Variants in EPS15L1 observed in about 807,000 individuals in gnomAD.
EPS15L1 encodes epidermal growth factor receptor pathway substrate 15 like 1, also known as epidermal growth factor receptor substrate 15-like 1.
Under a neutral mutation model 117.1 loss-of-function variants are expected in EPS15L1, and 43 were observed. The ratio of observed to expected loss-of-function variants is 0.37; its 90% CI spans 0.29 to 0.47. The LOEUF is 0.47. Ranked by LOEUF, EPS15L1 falls within the 20% of genes least tolerant of loss-of-function variation. EPS15L1 has a pLI of 0.99. For missense variants in EPS15L1, 981 were observed against 1,164.0 expected (o/e 0.84, Z 2.29); for synonymous variants, 459 against 470.5 (o/e 0.98, Z 0.32).
intron 19 of EPS15L1, among the ~76,000 whole-genome samples, chr19:16,386,951 G>C (rs2092426184): frequency 6.6e-6 from 1 of 152,318 alleles, no homozygotes; most frequent in South Asian, 2.1e-4. Context: ...CCATGTATCA[G>C]ATACATTTCT....
Position 16,402,397 on chromosome 19 carries a change from T to C in EPS15L1, c.1715A>G (p.His572Arg), listed in dbSNP as rs766247419. The stretch of plus-strand genomic sequence containing the variant: ...GGCCAGGTCGGTCAGGCTGGCACCA[T>C]GGGCTCCATCGAGCACCTGGTCATA... Reference protein sequence around the residue: ...EQYDQVLDGAHGASLTDLANL... With the variant: ...EQYDQVLDGARGASLTDLANL... The change falls in exon 16 of 24, where the codon CAT becomes CGT. Residue 572 changes from histidine (H) to arginine (R), a missense_variant. His to Arg is a conservative substitution (Grantham distance 29). Around this residue, in one of 5 missense-constraint regions of EPS15L1, gnomAD observed 819 missense variants for 949.0 expected, o/e 0.86. Coordinates refer to ENST00000455140, the MANE Select transcript of EPS15L1 (RefSeq NM_001258374.3). 14 of 1,614,038 alleles carry C rather than the reference T, an allele frequency of 8.7e-6. No individual in the cohort carries two copies. Among genetic ancestry groups the C allele is most frequent in the African/African-American group, 6.7e-5 (5 of 74,932 alleles).
Position 16,471,941 on chromosome 19 carries a change from G to A in EPS15L1, c.5C>T (p.Ala2Val). The A allele has an allele frequency of 1.6e-6, 2 of 1,288,696 alleles. No homozygotes were observed. The highest frequency in any genetic ancestry group is 2.4e-5 in the South Asian group (1 of 42,492). The allele number at this position is 1,288,696 out of a possible 1,614,324, so 79.8% of individuals were successfully genotyped here. A position where few individuals can be genotyped will look rare whatever the true frequency, so the allele number is the denominator to read the frequency against. Residue 2 changes from alanine to valine, a missense_variant, in exon 1 of 24, where the codon GCG (alanine) becomes GTG (valine). By Grantham distance (64) the Ala-to-Val change is moderately conservative. Coordinates refer to ENST00000455140, the MANE Select transcript of EPS15L1 (RefSeq NM_001258374.3). This position sits in a 1 kb window ranked among gnomAD's most constrained non-coding sequence, Gnocchi z 4.8. MAAPLIPLSQQI... is the reference protein window; with the variant it reads MVAPLIPLSQQI... ...CTGGGAGAGGGGGATGAGCGGCGCC[G>A]CCATCTTCCCGCGGACTCGGGCTCC...
intron 16 of EPS15L1, chr19:16,400,566 G>A (rs1461875149): frequency 2.3e-6 from 2 of 856,422 alleles, no homozygotes; most frequent in Non-Finnish European, 2.8e-6. Context: ...CAGTCTTGAA[G>A]TGTTCAGGAG....
chr19:16,421,699 G>C (rs2092815408), intron 9 of EPS15L1, among the ~76,000 whole-genome samples: 1 of 152,112 alleles, frequency 6.6e-6, no homozygotes. Context: ...CCAGATGCCA[G>C]TCTGCACCTC....
intron 7 of EPS15L1, among the ~76,000 whole-genome samples, chr19:16,429,959 C>G (rs1247075523): frequency 2.6e-5 from 4 of 152,220 alleles, no homozygotes; most frequent in African/African-American, 9.6e-5. Flanking sequence ...CTTGACCCAC[C>G]AGATGCCAGC....
intron 1 of EPS15L1, among the ~76,000 whole-genome samples, chr19:16,468,385 G>A (rs965573571): frequency 6.6e-6 from 1 of 152,142 alleles, no homozygotes; most frequent in Non-Finnish European, 1.5e-5. Context: ...TCACCCTGTT[G>A]CCCAGGCTGG....
At chr19:16,448,931 A>G (rs1174639617) in intron 1 of EPS15L1, among the ~76,000 whole-genome samples, 1 of 152,120 alleles carries the variant, frequency 6.6e-6, no homozygotes, top group Non-Finnish European at 1.5e-5. Flanking sequence ...TAAAATATAT[A>G]CTAGAGAGCT....
intron 7 of EPS15L1, among the ~76,000 whole-genome samples, chr19:16,429,996 A>G (rs1011401568): frequency 2.6e-5 from 4 of 152,224 alleles, no homozygotes; most frequent in African/African-American, 9.7e-5. Flanking sequence ...GTGACAACCA[A>G]AAATGTCCCC....
intron 9 of EPS15L1, 70 bp downstream of exon 9, chr19:16,425,013 A>T: frequency 7.7e-7 from 1 of 1,298,506 alleles, no homozygotes; most frequent in South Asian, 1.2e-5. Context: ...CTGGGGTTGC[A>T]TGTTAAGAAC....
chr19:16,391,793 G>C (rs1250916493), intron 19 of EPS15L1, among the ~76,000 whole-genome samples: 4 of 152,102 alleles, frequency 2.6e-5, no homozygotes, highest in Non-Finnish European at 2.9e-5. Context: ...GGAGACACCA[G>C]GCAAGGCAGC....
chr19:16,417,343 C>G, intron 12 of EPS15L1: 3 of 543,448 alleles, frequency 5.5e-6, no homozygotes, highest in South Asian at 4.0e-5. Context: ...ACAGATGCTA[C>G]GGGCTCTGGC....
chr19:16,442,102 C>T (rs2093037863), intron 2 of EPS15L1, 76 bp downstream of exon 2: 9 of 1,509,074 alleles, frequency 6.0e-6, no homozygotes, highest in Non-Finnish European at 7.4e-6. Flanking sequence ...GCCGCTCAGC[C>T]GGGCTTCTAT....
chr19:16,382,477 C>T (rs2092373956), intron 21 of EPS15L1, among the ~76,000 whole-genome samples: 1 of 152,168 alleles, frequency 6.6e-6, no homozygotes. Flanking sequence ...CTAAGAGAAA[C>T]ACGTTTGAGT....
chr19:16,387,370 G>A (rs1382499543), intron 19 of EPS15L1, among the ~76,000 whole-genome samples: 1 of 152,220 alleles, frequency 6.6e-6, no homozygotes. Context: ...CACTGTGGGG[G>A]CCAAGGCAAG....
chr19:16,449,743 C>A (rs932306610), intron 1 of EPS15L1, among the ~76,000 whole-genome samples: 1 of 152,150 alleles, frequency 6.6e-6, no homozygotes, highest in African/African-American at 2.4e-5. Context: ...ACTGGTAACA[C>A]CCCGGATGTC....
At chr19:16,472,000 A>T (rs2093351292), upstream of EPS15L1, 1 of 1,226,590 alleles carries the variant, frequency 8.2e-7, no homozygotes, top group Admixed American at 4.3e-5. The surrounding 1 kb of genome is among the most constrained non-coding windows in gnomAD (Gnocchi z 4.8). Context: ...GGCTGCAGCC[A>T]CGCGTGCGCA....
chr19:16,355,927 C>T (rs955068618), intron 23 of EPS15L1, 76 bp from the exon 24 acceptor site: 29 of 1,495,142 alleles, frequency 1.9e-5, no homozygotes, highest in African/African-American at 1.8e-4. Context: ...GCAGGGAATG[C>T]GTGGGAGGGG....
intron 22 of EPS15L1, 130 bp from the exon 23 acceptor site, chr19:16,362,114 G>T: frequency 1.1e-6 from 1 of 930,962 alleles, no homozygotes; most frequent in East Asian, 2.7e-5. Flanking sequence ...TGGCTAACAG[G>T]CTGGACGGGG....
intron 16 of EPS15L1, among the ~76,000 whole-genome samples, chr19:16,397,631 T>A (rs1303735769): frequency 6.6e-6 from 1 of 151,852 alleles, no homozygotes; most frequent in Non-Finnish European, 1.5e-5. Context: ...TTCTGTCCTA[T>A]GAGGAAATGA....
Sources: allele counts gnomAD v4.1 joint callset (sites outside exome capture counted in the v4.1 genomes callset), GRCh38; gene constraint gnomAD v4.1.1; regional missense constraint gnomAD v4.1.1; non-coding constraint Gnocchi (gnomAD v3.1); transcripts MANE v1.5; gene names NCBI Gene and HGNC (gene_info 2026-07-23, HGNC 2026-07-21).